The following COL1A1 variants were observed in gnomAD, a reference collection of about 807,000 sequenced individuals.
The protein encoded by COL1A1 is collagen type I alpha 1 chain.
In COL1A1, 21 loss-of-function variants were observed where a neutral mutation model predicts 195.7. The observed-to-expected ratio is 0.11, with a 90% CI of 0.08 to 0.15. COL1A1 has a LOEUF of 0.15. Among genes scored for constraint, COL1A1 ranks in the 10% least tolerant of loss-of-function variants. The probability of loss-of-function intolerance (pLI) is 1.00; values close to 1 mark genes in which losing one functional copy is unlikely to be tolerated. For missense variants in COL1A1, 1,365 were observed against 2,051.0 expected (o/e 0.67, Z 6.46); for synonymous variants, 749 against 747.3 (o/e 1.00, Z -0.04).
At chr17:50,196,945 A>G (rs1907642585) in intron 11 of COL1A1, 65 bp downstream of exon 11, 1 of 1,560,634 alleles carries the variant, frequency 6.4e-7, no homozygotes, top group Non-Finnish European at 8.8e-7. Context: ...TTTGGGGAAG[A>G]GGTTGGGACT....
intron 46 of COL1A1, 60 bp from the exon 47 acceptor site, chr17:50,187,182 G>C (rs1043490466): frequency 9.5e-6 from 13 of 1,363,264 alleles, no homozygotes; most frequent in East Asian, 7.4e-5. Context: ...CCCAGCTCTG[G>C]AGGAGAGGCC....
In COL1A1 at chr17:50,185,849, A is replaced by T; in HGVS notation, c.4177T>A (p.Ser1393Thr). The change falls in exon 50 of 51, where the codon TCC becomes ACC. Residue 1393 changes from serine to threonine, a missense_variant. This residue lies in a region of COL1A1 where 273 missense variants were observed against 338.6 expected (regional missense o/e 0.81). Coordinates refer to ENST00000225964, the MANE Select transcript of COL1A1 (RefSeq NM_000088.4). Reference protein sequence around the residue: ...NLKKALLLQGSNEIEIRAEGN... With the variant: ...NLKKALLLQGTNEIEIRAEGN... ...TCGGCGCGGATCTCGATCTCGTTGG[A>T]GCCCTGGAGGAGCAGGGCCTTCTTG... is the stretch of plus-strand genomic sequence containing the variant. 3 of 1,613,938 alleles carry T rather than the reference A, an allele frequency of 1.9e-6. No individual in the cohort carries two copies. Among genetic ancestry groups the T allele is most frequent in the Non-Finnish European group, 8.5e-7 (1 of 1,179,996 alleles).
chr17:50,193,706 C>T, intron 25 of COL1A1: 1 of 531,668 alleles, frequency 1.9e-6, no homozygotes, highest in Non-Finnish European at 3.5e-6. Context: ...TGGTCTCAAA[C>T]TCCTGACCTC....
rs547759590 is a variant in COL1A1 at position 50,200,760 on chromosome 17, C to T, written c.103+651G>A. Among the ~76,000 whole-genome samples the T allele has an allele frequency of 9.2e-5, 14 of 152,378 alleles. No homozygotes were observed. The South Asian group carries it at 2.9e-3, about 32-fold the overall frequency. On this transcript the variant is annotated intron_variant, in intron 1 of 50. Coordinates refer to ENST00000225964, the MANE Select transcript of COL1A1 (RefSeq NM_000088.4). ...TTTAAGAGGCTTGGGCTGCCCCATC[C>T]CTGGCTTTACTTTCCAGATCTAGAG...
Position 50,200,146 on chromosome 17 carries a change from G to GT in COL1A1, c.104-200dup, listed in dbSNP as rs752978423. On this transcript the variant is annotated intron_variant, in intron 1 of 50. Transcript: ENST00000225964. ...GCCGAGGCGCCTGGCCAGGGAGGCT[G>GT]TAACTCTTTCCAGTTCTCAGGAATT... is the stretch of plus-strand genomic sequence containing the variant. 11 of 634,286 alleles carry GT rather than the reference G, an allele frequency of 1.7e-5. No individual in the cohort carries two copies. In the East Asian group the frequency reaches 3.0e-4, roughly 18 times the overall value. 39.3% of individuals were successfully genotyped at this position (634,286 alleles called of 1,614,324 possible). A position where few individuals can be genotyped will look rare whatever the true frequency, so the allele number is the denominator to read the frequency against.
Position 50,186,978 on chromosome 17 carries a change from G to A in COL1A1, c.3531+37C>T. On this transcript the variant is annotated intron_variant, in intron 47 of 50. Transcript: ENST00000225964. The surrounding 1 kb of genome is among the most constrained non-coding windows in gnomAD (Gnocchi z 5.3). ...CCGGCATCCAAGTGCTTTGGGGGCT[G>A]GAGGGCCATGAGCAGAGGGGATGAG... The A allele has an allele frequency of 2.5e-6, 4 of 1,610,742 alleles. No individual in the cohort carries two copies. Among genetic ancestry groups the A allele is most frequent in the Non-Finnish European group, 3.4e-6 (4 of 1,177,526 alleles).
Position 50,194,663 on chromosome 17 carries a change from C to T in COL1A1, c.1462-37G>A, listed in dbSNP as rs1907408186. 6.4e-7 allele frequency: 1 copy of T among 1,557,666 alleles called. No individual in the cohort carries two copies. The highest frequency in any genetic ancestry group is 8.7e-7 in the Non-Finnish European group (1 of 1,150,258). On this transcript the variant is annotated intron_variant, in intron 21 of 50. Coordinates refer to ENST00000225964, the MANE Select transcript of COL1A1 (RefSeq NM_000088.4). This position sits in a 1 kb window ranked among gnomAD's most constrained non-coding sequence, Gnocchi z 6.8. The stretch of plus-strand genomic sequence containing the variant: ...GAGGAGGCCAGTGAACTCCGCGACA[C>T]ACAGGCACCAGCCAGGCAATGAGGG...
Position 50,190,333 on chromosome 17 carries a change from G to A in COL1A1, c.2445C>T (p.Gly815=), listed in dbSNP as rs762075856. Residue 815 remains glycine, a synonymous_variant, in exon 35 of 51, where the codon GGC becomes GGT. Coordinates refer to ENST00000225964, the MANE Select transcript of COL1A1 (RefSeq NM_000088.4). The surrounding 1 kb of genome is among the most constrained non-coding windows in gnomAD (Gnocchi z 4.7). ...PGPPGPAGFA[G]PPGADGQPGA... ...TGGGGGTCTTGGTACTCACAGGGGG[G>A]CCAGCAAAGCCAGCAGGGCCGGGGG... The A allele has an allele frequency of 3.8e-6, 6 of 1,594,326 alleles. No individual in the cohort carries two copies. Among genetic ancestry groups the A allele is most frequent in the African/African-American group, 2.7e-5 (2 of 73,900 alleles).
At position 50,194,431 on chromosome 17, in the gene COL1A1, C is replaced by T. The variant is rs780422688; in HGVS notation, c.1532G>A (p.Arg511His). ...GGGGCCAGCAGGGCCAGGAGAACCACGTTCACCAGCGGGACCCTGGTTGGG... is the reference window on the plus strand; with the variant it reads ...GGGGCCAGCAGGGCCAGGAGAACCATGTTCACCAGCGGGACCCTGGTTGGG... ...VAGPKGPAGE[R>H]GSPGPAGPKG... Residue 511 changes from arginine (R) to histidine (H), a missense_variant, in exon 23 of 51, where the codon CGT becomes CAT. By Grantham distance (29) the Arg-to-His change is conservative. Transcript: ENST00000225964. This position sits in a 1 kb window ranked among gnomAD's most constrained non-coding sequence, Gnocchi z 6.8. The T allele has an allele frequency of 1.2e-5, 19 of 1,613,490 alleles. No individual in the cohort carries two copies. Among genetic ancestry groups the T allele is most frequent in the African/African-American group, 8.0e-5 (6 of 74,710 alleles).
Position 50,201,584 on chromosome 17 carries a change from C to G in COL1A1, c.-71G>C. On this transcript the variant is annotated 5_prime_UTR_variant, in exon 1 of 51. Transcript: ENST00000225964. ...TAGCGTCCGCTCATGCGTGGCCTCA[C>G]ACTCCGCGTGCCTCCTGCTCCGACC... 7.2e-7 allele frequency: 1 copy of G among 1,394,320 alleles called. No individual in the cohort carries two copies. The highest frequency in any genetic ancestry group is 9.8e-7 in the Non-Finnish European group (1 of 1,023,886). 86.4% of individuals were successfully genotyped at this position (1,394,320 alleles called of 1,614,324 possible).
At position 50,195,837 on chromosome 17, in the gene COL1A1, T is replaced by G. The variant is rs1190996063; in HGVS notation, c.1056+86A>C. 1.1e-5 allele frequency: 16 copies of G among 1,501,824 alleles called. No individual in the cohort carries two copies. The highest frequency in any genetic ancestry group is 2.0e-5 in the Admixed American group (1 of 51,006). 93.0% of individuals were successfully genotyped at this position (1,501,824 alleles called of 1,614,324 possible). ...AGTGAACGGGCTGCTCTCTTGCCAC[T>G]CTGGGTCCCTTTGGTTTGGGGAACA... On this transcript the variant is annotated intron_variant, in intron 16 of 50. Coordinates refer to ENST00000225964, the MANE Select transcript of COL1A1 (RefSeq NM_000088.4). The surrounding 1 kb of genome is among the most constrained non-coding windows in gnomAD (Gnocchi z 4.3).
Position 50,195,994 on chromosome 17 carries a change from A to G in COL1A1, c.1003-18T>C. Reference sequence around the variant, plus strand: ...GTGGGACCCTGTGAATGAAATGGAGATGTCAGCGAGAAGGAAGAGATGGCA... The same window carrying G: ...GTGGGACCCTGTGAATGAAATGGAGGTGTCAGCGAGAAGGAAGAGATGGCA... On this transcript the variant is annotated intron_variant, in intron 15 of 50. Transcript: ENST00000225964. This position sits in a 1 kb window ranked among gnomAD's most constrained non-coding sequence, Gnocchi z 4.3. 1 of 1,597,246 alleles carries G rather than the reference A, an allele frequency of 6.3e-7. No homozygotes were observed. The highest frequency in any genetic ancestry group is 8.5e-7 in the Non-Finnish European group (1 of 1,171,584).
rs72651668 is a variant in COL1A1, at chr17:50,190,096, G to C, written c.2464C>G (p.Gln822Glu). The change falls in exon 36 of 51, where the codon CAA becomes GAA. Residue 822 changes from glutamine to glutamate, a missense_variant. Transcript: ENST00000225964. This position sits in a 1 kb window ranked among gnomAD's most constrained non-coding sequence, Gnocchi z 4.7. ...CCAGGTTCGCCTTTAGCACCAGGTT[G>C]GCCGTCAGCACCCTGGGGGAGGAAG... ...GFAGPPGADGQPGAKGEPGDA... is the reference protein window; with the variant it reads ...GFAGPPGADGEPGAKGEPGDA... 3.1e-6 allele frequency: 5 copies of C among 1,613,658 alleles called. 1 individual carries two copies. The highest frequency in any genetic ancestry group is 4.2e-6 in the Non-Finnish European group (5 of 1,179,948).
rs771512754 is a variant in COL1A1 at position 50,185,583 on chromosome 17, G to A, written c.4314C>T (p.Pro1438=). 21 of 1,613,884 alleles carry A rather than the reference G, an allele frequency of 1.3e-5. No homozygotes were observed. The South Asian group carries it at 2.1e-4, about 16-fold the overall frequency. Residue 1438 remains proline, a synonymous_variant, in exon 51 of 51, where the codon CCC becomes CCT. Transcript: ENST00000225964. ...EYKTTKTSRL[P]IIDVAPLDVG... is the part of the protein sequence containing the mutation. ...CGTCCAAGGGGGCCACATCGATGAT[G>A]GGCAGGCGGGAGGTCTTGGTGGTTT...
At chr17:50,199,985 T>A (rs749709471) in intron 1 of COL1A1, 38 bp from the exon 2 acceptor site, 19 of 1,603,578 alleles carry the variant, frequency 1.2e-5, no homozygotes, top group Non-Finnish European at 1.6e-5. Flanking sequence ...CAGTAGTGAC[T>A]GCAACCCCCA....
Position 50,185,357 on chromosome 17 carries a change from AG to A in COL1A1, c.*144del. On this transcript the variant is annotated 3_prime_UTR_variant, in exon 51 of 51. Transcript: ENST00000225964. ...AACTAAGTTTGAGAGATGAATGCAAAGGAAAAAAATATTTTCCAAAGTCCAT... is the reference window on the plus strand; with the variant it reads ...AACTAAGTTTGAGAGATGAATGCAAAGAAAAAAATATTTTCCAAAGTCCAT... 1.0e-6 allele frequency: 1 copy of A among 979,292 alleles called. No homozygotes were observed. Among genetic ancestry groups the A allele is most frequent in the Non-Finnish European group, 1.6e-6 (1 of 640,824 alleles). The allele number at this position is 979,292 out of a possible 1,614,324, so 60.7% of individuals were successfully genotyped here.
chr17:50,190,147 G>C lies in COL1A1; in HGVS notation c.2452-39C>G. On this transcript the variant is annotated intron_variant, in intron 35 of 50. Coordinates refer to ENST00000225964, the MANE Select transcript of COL1A1 (RefSeq NM_000088.4). This position sits in a 1 kb window ranked among gnomAD's most constrained non-coding sequence, Gnocchi z 4.7. The stretch of plus-strand genomic sequence containing the variant: ...CAGGGCGGTGAATGGAGGGAAGGAG[G>C]CAGGAGTTTCCACTACCTGGGGGAG... 1 of 1,561,172 alleles carries C rather than the reference G, an allele frequency of 6.4e-7. No individual in the cohort carries two copies. Among genetic ancestry groups the C allele is most frequent in the Non-Finnish European group, 8.8e-7 (1 of 1,132,052 alleles).
chr17:50,193,114 A>G (rs1834075082), intron 25 of COL1A1, 67 bp from the exon 26 acceptor site: 1 of 1,508,550 alleles, frequency 6.6e-7, no homozygotes, highest in Non-Finnish European at 9.2e-7. Flanking sequence ...GGGGCCTCTC[A>G]TTTACTCTGA....
intron 31 of COL1A1, 30 bp from the exon 32 acceptor site, chr17:50,191,520 G>A: frequency 1.2e-6 from 2 of 1,607,866 alleles, no homozygotes; most frequent in Non-Finnish European, 1.7e-6. Context: ...ACTGGAGTGA[G>A]GCCTGGGGCC....
Sources: gnomAD v4.1 joint callset for allele counts (sites outside exome capture counted in the v4.1 genomes callset) on GRCh38, gnomAD v4.1.1 for gene constraint, gnomAD v4.1.1 regional missense constraint, Gnocchi (gnomAD v3.1) non-coding constraint, MANE v1.5 for transcripts, NCBI Gene and HGNC (gene_info 2026-07-23, HGNC 2026-07-21) for gene names.